The following MAST4 variants were observed in gnomAD, a reference collection of about 807,000 sequenced individuals.
The protein encoded by MAST4 is microtubule associated serine/threonine kinase family member 4, also known as microtubule-associated serine/threonine-protein kinase 4.
Under a neutral mutation model 162.7 loss-of-function variants are expected in MAST4, and 89 were observed. The observed-to-expected ratio is 0.55, with a 90% CI of 0.46 to 0.65. The LOEUF is 0.65. MAST4 is among the 30% of genes least tolerant of loss of function. The probability of loss-of-function intolerance (pLI) is 0.00; values close to 1 mark genes in which losing one functional copy is unlikely to be tolerated. For synonymous variants in MAST4, 1,479 were observed against 1,361.1 expected, an observed-to-expected ratio of 1.09 and a Z score of -1.91; for missense variants, 3,153 against 3,374.0, an observed-to-expected ratio of 0.93 and a Z score of 1.62.
chr5:66,621,972 A>G (rs1344780574), intron 1 of MAST4, among the ~76,000 whole-genome samples: 2 of 152,188 alleles, frequency 1.3e-5, no homozygotes, highest in Non-Finnish European at 2.9e-5. Context: ...TACGTCCATG[A>G]AAGGATATAG....
chr5:67,113,601 T>G (rs987663045), intron 11 of MAST4, among the ~76,000 whole-genome samples: 1 of 152,226 alleles, frequency 6.6e-6, no homozygotes, highest in Admixed American at 6.5e-5. Flanking sequence ...TTGAAGTTTT[T>G]CTTTCTAATG....
intron 26 of MAST4, 78 bp downstream of exon 26, chr5:67,153,658 C>T (rs755828385): frequency 7.5e-7 from 1 of 1,337,050 alleles, no homozygotes; most frequent in South Asian, 1.7e-5. Context: ...ATTGATTTCC[C>T]TGTGTCACAC....
intron 1 of MAST4, among the ~76,000 whole-genome samples, chr5:66,724,504 G>A (rs60677473): frequency 0.015 from 2,232 of 152,212 alleles, 62 homozygotes; most frequent in African/African-American, 0.051. Context: ...TTTTCAAATA[G>A]TATTATGGTC....
intron 3 of MAST4, among the ~76,000 whole-genome samples, chr5:66,837,884 ATATATATATATTTTTTTTTTT>A (rs144925475): frequency 0.015 from 1,183 of 77,474 alleles, 39 homozygotes; most frequent in African/African-American, 0.056. Context: ...ATATATATAT[ATATATATATATTTTTTTTTTT>A]TTTTTTTTTT....
At chr5:66,750,660 C>T (rs554937101) in intron 1 of MAST4, among the ~76,000 whole-genome samples, 134 of 152,314 alleles carry the variant, frequency 8.8e-4, no homozygotes, top group African/African-American at 2.9e-3. Flanking sequence ...CACGGAGTCT[C>T]CCTGATTGCT....
chr5:66,954,815 C>T (rs1310955544), intron 4 of MAST4, among the ~76,000 whole-genome samples: 2 of 151,612 alleles, frequency 1.3e-5, no homozygotes, highest in South Asian at 2.1e-4. Flanking sequence ...ATAGGAGAAT[C>T]GCTTGAACCC....
intron 3 of MAST4, among the ~76,000 whole-genome samples, chr5:66,838,613 G>A (rs768563105): frequency 2.0e-5 from 3 of 152,180 alleles, no homozygotes; most frequent in Non-Finnish European, 2.9e-5. Context: ...AGATACAGGG[G>A]CCTTGAGCAT....
intron 4 of MAST4, among the ~76,000 whole-genome samples, chr5:66,933,076 A>G (rs2150078866): frequency 6.6e-6 from 1 of 152,292 alleles, no homozygotes; most frequent in South Asian, 2.1e-4. Flanking sequence ...TTGCCTCTTC[A>G]ACACCTTACT....
At chr5:66,617,140 A>T (rs543220247) in intron 1 of MAST4, among the ~76,000 whole-genome samples, 1 of 152,198 alleles carries the variant, frequency 6.6e-6, no homozygotes, top group Non-Finnish European at 1.5e-5. Context: ...ATTACCTTCA[A>T]ATACAACCAG....
At chr5:67,077,708 G>A (rs1761828022) in intron 5 of MAST4, among the ~76,000 whole-genome samples, 1 of 152,202 alleles carries the variant, frequency 6.6e-6, no homozygotes, top group African/African-American at 2.4e-5. Flanking sequence ...TGAATCAATT[G>A]ATTAGCCATT....
intron 5 of MAST4, among the ~76,000 whole-genome samples, chr5:67,058,896 T>C (rs941618673): frequency 1.3e-5 from 2 of 152,256 alleles, no homozygotes; most frequent in African/African-American, 2.4e-5. Flanking sequence ...TAGTTTTCTA[T>C]TGCTGTAGTA....
chr5:66,727,273 T>C (rs142343354), intron 1 of MAST4, among the ~76,000 whole-genome samples: 118 of 152,314 alleles, frequency 7.7e-4, no homozygotes, highest in African/African-American at 2.7e-3. Flanking sequence ...TATTTTACCT[T>C]ATGGTAGCAT....
At chr5:66,642,877 C>A (rs1010357792) in intron 1 of MAST4, among the ~76,000 whole-genome samples, 1 of 152,108 alleles carries the variant, frequency 6.6e-6, no homozygotes, top group Non-Finnish European at 1.5e-5. Context: ...GTTAATAATA[C>A]CCTGGACTGT....
chr5:66,793,019 T>C (rs1439319110), intron 3 of MAST4, among the ~76,000 whole-genome samples: 1 of 152,200 alleles, frequency 6.6e-6, no homozygotes, highest in East Asian at 1.9e-4. Flanking sequence ...ATTAATATGT[T>C]AGTAAGATAT....
At chr5:66,599,140 A>G (rs964898267) in intron 1 of MAST4, among the ~76,000 whole-genome samples, 3 of 152,164 alleles carry the variant, frequency 2.0e-5, no homozygotes, top group Non-Finnish European at 2.9e-5. Context: ...AAACCAAACC[A>G]TGTAGTTTTT....
At chr5:67,101,097 A>G (rs1052283629) in intron 8 of MAST4, among the ~76,000 whole-genome samples, 1 of 152,226 alleles carries the variant, frequency 6.6e-6, no homozygotes, top group Non-Finnish European at 1.5e-5. Flanking sequence ...TCCACCTAAC[A>G]CTGGGTAGGG....
intron 4 of MAST4, among the ~76,000 whole-genome samples, chr5:66,977,344 AC>A (rs1488200133): frequency 6.6e-6 from 1 of 151,200 alleles, no homozygotes; most frequent in African/African-American, 2.4e-5. Context: ...CAGGTGATCC[AC>A]CCGCCTCAGT....
At position 67,069,096 on chromosome 5, in the gene MAST4, G is replaced by A. The variant is rs114155894; in HGVS notation, c.763+14604G>A. ...AAGTGGTCCATGTATTAAGGTATCA[G>A]ATGTTGATGAACAGAGAGACTGGCA... On this transcript the variant is annotated intron_variant, in intron 5 of 28. Coordinates refer to ENST00000403625, the MANE Select transcript of MAST4 (RefSeq NM_001164664.2). Among the ~76,000 whole-genome samples, 1,096 of 152,082 alleles carry A rather than the reference G, an allele frequency of 7.2e-3. 11 individuals carry two copies. The highest frequency in any genetic ancestry group is 0.024 in the Middle Eastern group (7 of 294).
At chr5:66,619,521 G>C (rs1388433980) in intron 1 of MAST4, among the ~76,000 whole-genome samples, 3 of 152,092 alleles carry the variant, frequency 2.0e-5, no homozygotes, top group Non-Finnish European at 4.4e-5. Context: ...CACGGGTACA[G>C]ATGTGTGCTT....
Sources: gnomAD v4.1 joint callset for allele counts (sites outside exome capture counted in the v4.1 genomes callset) on GRCh38, gnomAD v4.1.1 for gene constraint, MANE v1.5 for transcripts, NCBI Gene and HGNC (gene_info 2026-07-23, HGNC 2026-07-21) for gene names.